Variants in ADORA2B observed in about 807,000 individuals in gnomAD.
ADORA2B encodes adenosine receptor A2b.
ADORA2B carries 18 observed loss-of-function variants against 20.8 expected under a neutral mutation model. The ratio of observed to expected loss-of-function variants is 0.87; its 90% CI spans 0.60 to 1.29. ADORA2B has a LOEUF of 1.29. ADORA2B is among the 50% of genes most tolerant of loss of function. The probability of loss-of-function intolerance (pLI) is 0.00; values close to 1 mark genes in which losing one functional copy is unlikely to be tolerated. For missense variants in ADORA2B, 441 were observed against 422.7 expected (o/e 1.04, Z -0.38); for synonymous variants, 179 against 178.3 (o/e 1.00, Z -0.03).
chr17:15,901,352 C>T, the ADORA2B span, among the ~76,000 whole-genome samples: 1 of 151,952 alleles, frequency 6.6e-6, no homozygotes, highest in Non-Finnish European at 1.5e-5. Context: ...GTAATCCCAG[C>T]TACTCAGGAG....
chr17:15,916,413 A>G, the ADORA2B span, among the ~76,000 whole-genome samples: 1 of 152,134 alleles, frequency 6.6e-6, no homozygotes, highest in African/African-American at 2.4e-5. Flanking sequence ...AGCTTCGACA[A>G]GACTCACATC....
intron 1 of ADORA2B, among the ~76,000 whole-genome samples, chr17:15,964,905 C>A (rs548385920): frequency 1.8e-3 from 269 of 151,922 alleles, no homozygotes; most frequent in Non-Finnish European, 3.2e-3. Context: ...ACTAAAAATA[C>A]AAAAAATTAG....
At chr17:15,899,484 C>T in the ADORA2B span, among the ~76,000 whole-genome samples, 243 of 152,188 alleles carry the variant, frequency 1.6e-3, no homozygotes, top group Non-Finnish European at 2.9e-3. Context: ...AGTACATGTG[C>T]AGGTTTGTTA....
chr17:15,873,866 C>T, the ADORA2B span, among the ~76,000 whole-genome samples: 6 of 151,948 alleles, frequency 3.9e-5, no homozygotes, highest in Admixed American at 6.6e-5. Flanking sequence ...ATAGATCTAC[C>T]GTTTAATTCA....
At chr17:15,960,946 T>G (rs1470355284) in intron 1 of ADORA2B, among the ~76,000 whole-genome samples, 1 of 150,594 alleles carries the variant, frequency 6.6e-6, no homozygotes, top group Non-Finnish European at 1.5e-5. Context: ...GGCGGGCGAT[T>G]CACGAGTTCA....
At chr17:15,867,080 C>T in the ADORA2B span, among the ~76,000 whole-genome samples, 1 of 152,260 alleles carries the variant, frequency 6.6e-6, no homozygotes, top group Non-Finnish European at 1.5e-5. Flanking sequence ...GTCGCGTTCA[C>T]TCAGTGCTCA....
At chr17:15,974,448 T>C (rs2151612393) in intron 1 of ADORA2B, 1 of 487,842 alleles carries the variant, frequency 2.0e-6, no homozygotes, top group Non-Finnish European at 3.6e-6. Flanking sequence ...CCTGTGTCAC[T>C]AAACAGAAAG....
the ADORA2B span, among the ~76,000 whole-genome samples, chr17:15,877,640 G>A: frequency 6.6e-6 from 1 of 152,140 alleles, no homozygotes; most frequent in African/African-American, 2.4e-5. Flanking sequence ...CTTGTTTTCA[G>A]TGTATCACTT....
the ADORA2B span, among the ~76,000 whole-genome samples, chr17:15,857,067 C>G: frequency 7.5e-3 from 1,136 of 152,328 alleles, 13 homozygotes; most frequent in Middle Eastern, 0.027. Context: ...CCGCCCTGCT[C>G]TGTGCAGCCT....
the ADORA2B span, among the ~76,000 whole-genome samples, chr17:15,912,341 C>G: frequency 6.6e-6 from 1 of 151,820 alleles, no homozygotes; most frequent in African/African-American, 2.4e-5. Context: ...GATTGCACCA[C>G]TGCACTCCCA....
At chr17:15,873,784 C>T in the ADORA2B span, among the ~76,000 whole-genome samples, 11 of 152,234 alleles carry the variant, frequency 7.2e-5, no homozygotes, top group East Asian at 2.1e-3. Context: ...AACGCTTATA[C>T]ACTACTGGTG....
At chr17:15,852,673 A>G in the ADORA2B span, among the ~76,000 whole-genome samples, 8 of 152,352 alleles carry the variant, frequency 5.3e-5, no homozygotes, top group South Asian at 1.7e-3. Flanking sequence ...ACCACAATCT[A>G]TAAAAAAGAA....
At chr17:15,879,460 TA>T in the ADORA2B span, among the ~76,000 whole-genome samples, 861 of 135,904 alleles carry the variant, frequency 6.3e-3, 14 homozygotes, top group African/African-American at 0.022. Flanking sequence ...CTTTAAAAAA[TA>T]AAAAAAAAAA....
the ADORA2B span, among the ~76,000 whole-genome samples, chr17:15,934,127 C>T: frequency 6.6e-6 from 1 of 151,914 alleles, no homozygotes; most frequent in Non-Finnish European, 1.5e-5. Flanking sequence ...GTTATTTTTC[C>T]TTTATTCTAT....
the ADORA2B span, among the ~76,000 whole-genome samples, chr17:15,864,488 C>G: frequency 6.6e-6 from 1 of 150,976 alleles, no homozygotes; most frequent in Non-Finnish European, 1.5e-5. Flanking sequence ...GAGCATATGC[C>G]CAGGCACAAG....
At chr17:15,944,553 G>T (rs144993524), upstream of ADORA2B, among the ~76,000 whole-genome samples, 423 of 152,198 alleles carry the variant, frequency 2.8e-3, 2 homozygotes, top group Non-Finnish European at 4.7e-3. The surrounding 1 kb of genome is among the most constrained non-coding windows in gnomAD (Gnocchi z 4.8). Context: ...GCTGAGCCTC[G>T]CTGGGAGGCG....
the ADORA2B span, among the ~76,000 whole-genome samples, chr17:15,867,074 C>G: frequency 6.6e-6 from 1 of 152,208 alleles, no homozygotes; most frequent in African/African-American, 2.4e-5. Flanking sequence ...GACGGAGTCG[C>G]GTTCACTCAG....
the ADORA2B span, among the ~76,000 whole-genome samples, chr17:15,878,214 C>CACAT: frequency 7.0e-6 from 1 of 143,474 alleles, no homozygotes; most frequent in Non-Finnish European, 1.5e-5. Context: ...CACACACACA[C>CACAT]ATTATATAAA....
At chr17:15,945,615 C>T (rs1969793352) in intron 1 of ADORA2B, 32 bp downstream of exon 1, 3 of 1,443,700 alleles carry the variant, frequency 2.1e-6, no homozygotes, top group East Asian at 5.2e-5. Flanking sequence ...GAACTCGGGG[C>T]CCCGTCGGAG....
Sources: gnomAD v4.1 joint callset for allele counts (sites outside exome capture counted in the v4.1 genomes callset) on GRCh38, gnomAD v4.1.1 for gene constraint, Gnocchi (gnomAD v3.1) non-coding constraint, MANE v1.5 for transcripts, NCBI Gene and HGNC (gene_info 2026-07-23, HGNC 2026-07-21) for gene names.